Variants in RNF130 observed in about 807,000 individuals in gnomAD.
RNF130 encodes ring finger protein 130.
Under a neutral mutation model 44.6 loss-of-function variants are expected in RNF130, and 21 were observed. The observed-to-expected ratio is 0.47, with a 90% CI of 0.33 to 0.68. The LOEUF is 0.68. Ranked by LOEUF, RNF130 falls within the 30% of genes least tolerant of loss-of-function variation. The probability of loss-of-function intolerance (pLI) is 0.02; values close to 1 mark genes in which losing one functional copy is unlikely to be tolerated. For synonymous variants in RNF130, 214 were observed against 210.4 expected (o/e 1.02, Z -0.15); for missense variants, 479 against 560.6 (o/e 0.85, Z 1.47).
chr5:180,040,420 AAAAC>A (rs760093406), intron 2 of RNF130, 29 bp downstream of exon 2: 2 of 1,588,498 alleles, frequency 1.3e-6, no homozygotes, highest in Non-Finnish European at 8.6e-7. Flanking sequence ...TCTAAGAAGA[AAAAC>A]AAAATCAACA....
At chr5:179,976,689 T>G (rs989098602) in intron 5 of RNF130, 1 of 150,108 alleles carries the variant, frequency 6.7e-6, no homozygotes, top group East Asian at 1.9e-4. Context: ...TTCTTCAGTT[T>G]GATTTTTTTT....
chr5:179,952,801 A>T (rs1430070746), downstream of RNF130, among the ~76,000 whole-genome samples: 2 of 152,216 alleles, frequency 1.3e-5, no homozygotes, highest in Non-Finnish European at 2.9e-5. Context: ...ATTTCATGAT[A>T]AAAACGTTCA....
At chr5:180,012,516 C>A (rs3797763) in intron 3 of RNF130, among the ~76,000 whole-genome samples, 2 of 152,036 alleles carry the variant, frequency 1.3e-5, no homozygotes, top group African/African-American at 4.8e-5. Context: ...AAAATAGATG[C>A]GCTGTCAGTG....
intron 3 of RNF130, among the ~76,000 whole-genome samples, chr5:179,987,557 T>G (rs1252981829): frequency 1.3e-5 from 2 of 152,238 alleles, no homozygotes; most frequent in Non-Finnish European, 2.9e-5. Context: ...TGGGCATCCT[T>G]GTCTTGAACC....
chr5:180,035,499 T>G (rs1021354279), intron 2 of RNF130, among the ~76,000 whole-genome samples: 1 of 152,248 alleles, frequency 6.6e-6, no homozygotes, highest in Non-Finnish European at 1.5e-5. Flanking sequence ...GTGTGCTACA[T>G]ATGTTGGCTA....
intron 1 of RNF130, among the ~76,000 whole-genome samples, chr5:180,041,851 T>G (rs574071131): frequency 6.6e-6 from 1 of 152,014 alleles, no homozygotes; most frequent in African/African-American, 2.4e-5. Context: ...CCGAGGCAGG[T>G]AGATTGCTTG....
chr5:179,931,032 CAAAAAAAA>C (rs34266288), intron 7 of RNF130, among the ~76,000 whole-genome samples: 1 of 74,302 alleles, frequency 1.3e-5, no homozygotes, highest in East Asian at 3.9e-4. Flanking sequence ...ACCTCTGTCT[CAAAAAAAA>C]AAAAAAAAAA....
chr5:180,019,554 GA>G (rs1410896952), intron 2 of RNF130, among the ~76,000 whole-genome samples: 1 of 152,140 alleles, frequency 6.6e-6, no homozygotes, highest in Non-Finnish European at 1.5e-5. Flanking sequence ...CTGACTTAAT[GA>G]AAGTCCTTCT....
chr5:180,036,826 T>C (rs1215679871), intron 2 of RNF130, among the ~76,000 whole-genome samples: 1 of 123,232 alleles, frequency 8.1e-6, no homozygotes, highest in Non-Finnish European at 1.7e-5. Context: ...ATAATGTCTG[T>C]CTACCCCCAC....
chr5:180,006,297 A>G (rs1233911553), intron 3 of RNF130, among the ~76,000 whole-genome samples: 1 of 114,462 alleles, frequency 8.7e-6, no homozygotes, highest in Admixed American at 8.7e-5. Context: ...ATGTGGAAGA[A>G]AAAAAAAAAC....
intron 3 of RNF130, among the ~76,000 whole-genome samples, chr5:179,990,976 C>A (rs750922685): frequency 6.6e-6 from 1 of 152,104 alleles, no homozygotes; most frequent in Non-Finnish European, 1.5e-5. Context: ...ATAGCTCGTG[C>A]CCTCGGTCTC....
chr5:179,975,908 C>G (rs1762707172), intron 5 of RNF130, among the ~76,000 whole-genome samples: 1 of 152,198 alleles, frequency 6.6e-6, no homozygotes, highest in Admixed American at 6.5e-5. Context: ...CGTGGCTTTG[C>G]AGCACGAGAA....
At chr5:179,916,125 G>A (rs961922269) in exon 8 of RNF130, 1 of 152,212 alleles carries the variant, frequency 6.6e-6, no homozygotes, top group African/African-American at 2.4e-5. Context: ...TCACTTGCCA[G>A]TGGTTAATGT....
intron 5 of RNF130, among the ~76,000 whole-genome samples, chr5:179,973,282 C>T (rs1762627896): frequency 6.6e-6 from 1 of 152,202 alleles, no homozygotes; most frequent in South Asian, 2.1e-4. Flanking sequence ...CCCTCCTCTC[C>T]TGTCTCTTCT....
rs1180756228 is a variant in RNF130 at position 180,031,315 on chromosome 5, C to T, written c.442+9138G>A. On this transcript the variant is annotated intron_variant, in intron 2 of 8. Transcript: ENST00000521389. ...CAGCCCGGCCAGTATGGCGAAACCC[C>T]AACTCTAGTGAAAATACAAAAATTA... is the stretch of plus-strand genomic sequence containing the variant. 2.0e-5 allele frequency among the ~76,000 whole-genome samples: 3 copies of T among 152,068 alleles called. No individual in the cohort carries two copies. The East Asian group carries it at 5.8e-4, about 29-fold the overall frequency.
intron 2 of RNF130, among the ~76,000 whole-genome samples, chr5:180,021,329 T>C (rs547247644): frequency 1.7e-3 from 253 of 152,228 alleles, no homozygotes; most frequent in African/African-American, 5.9e-3. Context: ...CTCGTGGTTC[T>C]CTCCTCCGGA....
At position 179,955,678 on chromosome 5, in the gene RNF130, TA is replaced by T. The variant is rs1295819460; in HGVS notation, c.1245-10del. The T allele has an allele frequency of 1.3e-6, 2 of 1,575,162 alleles. No individual in the cohort carries two copies. Among genetic ancestry groups the T allele is most frequent in the Non-Finnish European group, 8.6e-7 (1 of 1,160,940 alleles). ...TTCAAAACCATTCTACCCTATGGAA[TA>T]AAAGGAAAAAAGAGGTCATAAATTA... On this transcript the variant is annotated splice_polypyrimidine_tract_variant and intron_variant, in intron 8 of 8. Transcript: ENST00000521389.
chr5:179,999,889 T>C (rs1303244996), intron 3 of RNF130, among the ~76,000 whole-genome samples: 1 of 152,242 alleles, frequency 6.6e-6, no homozygotes, highest in Admixed American at 6.5e-5. Flanking sequence ...TTCCTATCAA[T>C]TTTTAATTGC....
exon 8 of RNF130, chr5:179,915,188 G>C (rs1761525001): frequency 6.6e-6 from 1 of 152,024 alleles, no homozygotes; most frequent in Admixed American, 6.6e-5. Flanking sequence ...AATTAGCTGG[G>C]CGTGGTGGCA....
Sources: gnomAD v4.1 joint callset for allele counts (sites outside exome capture counted in the v4.1 genomes callset) on GRCh38, gnomAD v4.1.1 for gene constraint, MANE v1.5 for transcripts, NCBI Gene and HGNC (gene_info 2026-07-23, HGNC 2026-07-21) for gene names.